The following TBC1D22B variants were observed in gnomAD, a reference collection of about 807,000 sequenced individuals.
TBC1D22B encodes the protein chromosome 6 open reading frame 197.
A neutral mutation model predicts 69.1 loss-of-function variants in TBC1D22B; 32 were observed. That is an observed-to-expected ratio of 0.46 (90% CI 0.35 to 0.62). The LOEUF is 0.62. Ranked by LOEUF, TBC1D22B falls within the 20% of genes least tolerant of loss-of-function variation. The pLI, the probability that TBC1D22B is intolerant of heterozygous loss-of-function variation, is 0.00. For synonymous variants in TBC1D22B, 206 were observed against 229.8 expected (o/e 0.90, Z 0.94); for missense variants, 462 against 630.9 (o/e 0.73, Z 2.87).
intron 2 of TBC1D22B, among the ~76,000 whole-genome samples, chr6:37,270,322 G>GC (rs1427581314): frequency 6.6e-6 from 1 of 151,976 alleles, no homozygotes; most frequent in African/African-American, 2.4e-5. Flanking sequence ...TTGGTGGCAG[G>GC]CAGCTGTAAT....
intron 8 of TBC1D22B, among the ~76,000 whole-genome samples, chr6:37,293,917 G>A (rs1314588623): frequency 6.6e-6 from 1 of 152,198 alleles, no homozygotes; most frequent in Non-Finnish European, 1.5e-5. Flanking sequence ...CCAGAGCAAG[G>A]CCTTAATTCT....
At chr6:37,299,733 G>C (rs2113763770) in intron 8 of TBC1D22B, among the ~76,000 whole-genome samples, 1 of 152,244 alleles carries the variant, frequency 6.6e-6, no homozygotes, top group Admixed American at 6.5e-5. Flanking sequence ...ATACTGGCCG[G>C]GCATGGTGGC....
intron 8 of TBC1D22B, among the ~76,000 whole-genome samples, chr6:37,312,111 G>A (rs957396798): frequency 7.9e-5 from 12 of 152,184 alleles, no homozygotes; most frequent in African/African-American, 2.7e-4. Flanking sequence ...AAGAGGTCTC[G>A]TGGCTAGATA....
Position 37,291,280 on chromosome 6 carries a change from A to G in TBC1D22B, c.905A>G (p.His302Arg). Reference sequence around the variant, plus strand: ...ATTCTATTTATTTGGGCCATCCGCCACCCTGCCAGTGGGTATGTCCAGGGA... The same window carrying G: ...ATTCTATTTATTTGGGCCATCCGCCGCCCTGCCAGTGGGTATGTCCAGGGA... ...ERILFIWAIR[H>R]PASGYVQGIN... The change falls in exon 8 of 13, where the codon CAC becomes CGC. Residue 302 changes from histidine to arginine, a missense_variant. Physicochemically the swap from His to Arg is conservative, Grantham distance 29. Around this residue, in one of 2 missense-constraint regions of TBC1D22B, gnomAD observed 225 missense variants for 375.4 expected, o/e 0.60. Coordinates refer to ENST00000373491, the MANE Select transcript of TBC1D22B (RefSeq NM_017772.4). 1 of 1,613,984 alleles carries G rather than the reference A, an allele frequency of 6.2e-7. No homozygotes were observed. The highest frequency in any genetic ancestry group is 8.5e-7 in the Non-Finnish European group (1 of 1,179,930).
intron 8 of TBC1D22B, among the ~76,000 whole-genome samples, chr6:37,305,379 T>C (rs195746): frequency 0.98 from 148,694 of 152,280 alleles, 72,624 homozygotes; most frequent in East Asian, 1. Flanking sequence ...TAACCAGCAC[T>C]CACAGCAAGA....
intron 12 of TBC1D22B, among the ~76,000 whole-genome samples, chr6:37,329,780 C>T (rs1017299640): frequency 2.0e-5 from 3 of 152,230 alleles, no homozygotes; most frequent in Non-Finnish European, 4.4e-5. Flanking sequence ...ATGATCACTT[C>T]TACTCCTCCA....
intron 2 of TBC1D22B, among the ~76,000 whole-genome samples, chr6:37,271,779 G>T (rs1167067811): frequency 6.6e-6 from 1 of 150,662 alleles, no homozygotes; most frequent in Non-Finnish European, 1.5e-5. Context: ...GCGATTTGGT[G>T]TGTGTATAAG....
chr6:37,305,242 AC>A (rs1458565457), intron 8 of TBC1D22B, among the ~76,000 whole-genome samples: 1 of 152,178 alleles, frequency 6.6e-6, no homozygotes, highest in Non-Finnish European at 1.5e-5. Flanking sequence ...ATGAAACTGG[AC>A]AAACTTTATT....
Position 37,295,274 on chromosome 6 carries a change from T to G in TBC1D22B, c.982+3917T>G, listed in dbSNP as rs1202120390. Among the ~76,000 whole-genome samples, 5 of 152,018 alleles carry G rather than the reference T, an allele frequency of 3.3e-5. No homozygotes were observed. The East Asian group carries it at 9.6e-4, about 29-fold the overall frequency. The stretch of plus-strand genomic sequence containing the variant: ...TGTGCGCCACCATACCCAGCCAATT[T>G]TTTTATTTTTTATAGAGATGGGGTT... On this transcript the variant is annotated intron_variant, in intron 8 of 12. Transcript: ENST00000373491.
chr6:37,263,604 A>C (rs1766178290), intron 1 of TBC1D22B, among the ~76,000 whole-genome samples: 1 of 152,068 alleles, frequency 6.6e-6, no homozygotes, highest in South Asian at 2.1e-4. Flanking sequence ...TGTTTTTTTG[A>C]CATGGAGTCT....
chr6:37,327,383 C>T (rs1212966989), intron 12 of TBC1D22B, among the ~76,000 whole-genome samples: 16 of 116,906 alleles, frequency 1.4e-4, no homozygotes, highest in East Asian at 2.4e-4. Flanking sequence ...GAGGCTGAGG[C>T]AGGAGAATGG....
chr6:37,328,715 TTC>T (rs1467277657), intron 12 of TBC1D22B, among the ~76,000 whole-genome samples: 1 of 152,188 alleles, frequency 6.6e-6, no homozygotes, highest in Non-Finnish European at 1.5e-5. Flanking sequence ...GTAATTTATT[TTC>T]TGTTTTTTTT....
At chr6:37,264,010 C>G (rs890005956) in intron 1 of TBC1D22B, among the ~76,000 whole-genome samples, 10 of 149,150 alleles carry the variant, frequency 6.7e-5, no homozygotes, top group African/African-American at 2.5e-4. Flanking sequence ...CAATTAAATG[C>G]TTTTTCACTT....
chr6:37,258,781 T>G (rs1765946248), intron 1 of TBC1D22B, among the ~76,000 whole-genome samples: 1 of 152,192 alleles, frequency 6.6e-6, no homozygotes, highest in African/African-American at 2.4e-5. Flanking sequence ...TTTCAGTTTA[T>G]TTTGGGCAAA....
chr6:37,275,966 C>CTTTTT (rs149995165), intron 2 of TBC1D22B, among the ~76,000 whole-genome samples: 4 of 133,218 alleles, frequency 3.0e-5, no homozygotes, highest in African/African-American at 1.1e-4. Context: ...TTCTTTTTTT[C>CTTTTT]TTTTTTTTTT....
chr6:37,282,030 G>T (rs1479695684), intron 3 of TBC1D22B, among the ~76,000 whole-genome samples, 155 bp from the exon 4 acceptor site: 3 of 152,146 alleles, frequency 2.0e-5, no homozygotes, highest in Non-Finnish European at 2.9e-5. Context: ...CTGGGTTCTG[G>T]CCCCTCGCTG....
In TBC1D22B at chr6:37,320,678, C is replaced by T. The variant is rs146192284; in HGVS notation, c.1389+3472C>T. 3.6e-3 allele frequency among the ~76,000 whole-genome samples: 541 copies of T among 152,298 alleles called. 2 individuals are homozygous for T. Among genetic ancestry groups the T allele is most frequent in the African/African-American group, 0.012 (502 of 41,548 alleles). On this transcript the variant is annotated intron_variant, in intron 12 of 12. Coordinates refer to ENST00000373491, the MANE Select transcript of TBC1D22B (RefSeq NM_017772.4). ...TCCCAGCTGCGACAAAAGCCCCCAGCAGGAAGGGTGCGTGCTTCTCCCTGG... is the reference window on the plus strand; with the variant it reads ...TCCCAGCTGCGACAAAAGCCCCCAGTAGGAAGGGTGCGTGCTTCTCCCTGG...
chr6:37,272,768 GT>G (rs1165697626), intron 2 of TBC1D22B, among the ~76,000 whole-genome samples: 1 of 152,166 alleles, frequency 6.6e-6, no homozygotes, highest in Admixed American at 6.5e-5. Flanking sequence ...CTATTCTTTG[GT>G]TTTATCAAGA....
intron 8 of TBC1D22B, among the ~76,000 whole-genome samples, chr6:37,297,781 A>T (rs934525886): frequency 6.6e-6 from 1 of 152,248 alleles, no homozygotes; most frequent in Admixed American, 6.5e-5. Flanking sequence ...AATAGTAAAG[A>T]CTTGGAACCA....
Sources: allele counts gnomAD v4.1 joint callset (sites outside exome capture counted in the v4.1 genomes callset), GRCh38; gene constraint gnomAD v4.1.1; regional missense constraint gnomAD v4.1.1; transcripts MANE v1.5; gene names NCBI Gene and HGNC (gene_info 2026-07-23, HGNC 2026-07-21).